Variants in ZSWIM3 observed in about 807,000 individuals in gnomAD.
ZSWIM3 encodes zinc finger SWIM domain-containing protein 3.
In ZSWIM3, 27 loss-of-function variants were observed where a neutral mutation model predicts 47.5. The observed-to-expected ratio is 0.57, with a 90% confidence interval of 0.42 to 0.78. The LOEUF is 0.78. Ranked by LOEUF, ZSWIM3 falls within the 30% of genes least tolerant of loss-of-function variation. ZSWIM3 has a pLI of 0.00. For synonymous variants in ZSWIM3, 333 were observed against 333.9 expected, an observed-to-expected ratio of 1.00 and a Z score of 0.03; for missense variants, 689 against 861.3, an observed-to-expected ratio of 0.80 and a Z score of 2.50.
chr20:45,873,270 G>A (rs6104378), intron 1 of ZSWIM3, among the ~76,000 whole-genome samples: 78,273 of 151,732 alleles, frequency 0.52, 20,697 homozygotes, highest in Admixed American at 0.6. Context: ...GCATGGTGGC[G>A]CATGCCTGTA....
In ZSWIM3 at chr20:45,870,062, AAG is replaced by A. The variant is rs1555827841; in HGVS notation, c.156-6650_156-6649del. Among the ~76,000 whole-genome samples the A allele has an allele frequency of 2.7e-5, 4 of 148,490 alleles. 1 individual carries two copies. The highest frequency in any genetic ancestry group is 1.5e-5 in the Non-Finnish European group (1 of 67,164). ...CCGTCTCAAGAAAAAAAAAAAAAAA[AAG>A]AAAAGGCCAAGCGTGGTGGCTGTAA... On this transcript the variant is annotated intron_variant, in intron 1 of 1. Transcript: ENST00000255152.
rs539855046 is a variant in ZSWIM3 at position 45,878,887 on chromosome 20, T to C, written c.*238T>C. The C allele has an allele frequency of 2.6e-5, 13 of 499,464 alleles. No homozygotes were observed. In the South Asian group the frequency reaches 3.8e-4, roughly 15 times the overall value. 30.9% of individuals were successfully genotyped at this position (499,464 alleles called of 1,614,324 possible). A position where few individuals can be genotyped will look rare whatever the true frequency, so the allele number is the denominator to read the frequency against. The stretch of plus-strand genomic sequence containing the variant: ...CCTCAGTTGTTGTTCAAGGCCAAAG[T>C]TATCTCCGTGCTGCAAGGTCACCCT... On this transcript the variant is annotated 3_prime_UTR_variant, in exon 2 of 2. Coordinates refer to ENST00000255152, the MANE Select transcript of ZSWIM3 (RefSeq NM_080752.4).
At chr20:45,864,345 G>A (rs527872159) in intron 1 of ZSWIM3, among the ~76,000 whole-genome samples, 2 of 152,262 alleles carry the variant, frequency 1.3e-5, no homozygotes, top group African/African-American at 4.8e-5. Flanking sequence ...TTGCAAACTG[G>A]CTCTGTGCAG....
Position 45,872,553 on chromosome 20 carries a change from G to A in ZSWIM3, c.156-4161G>A, listed in dbSNP as rs183032540. 1.4e-5 allele frequency: 6 copies of A among 433,236 alleles called. 1 individual carries two copies. The highest frequency in any genetic ancestry group is 8.0e-5 in the South Asian group (4 of 50,050). 26.8% of individuals were successfully genotyped at this position (433,236 alleles called of 1,614,324 possible). On this transcript the variant is annotated intron_variant, in intron 1 of 1. Coordinates refer to ENST00000255152, the MANE Select transcript of ZSWIM3 (RefSeq NM_080752.4). ...ATGGGTGCACGTAGTCCTGAAGGAT[G>A]AGCAAGGCTTGCGAGGAGGGAAGGT...
intron 1 of ZSWIM3, among the ~76,000 whole-genome samples, chr20:45,874,114 G>A (rs1986036202): frequency 6.6e-6 from 1 of 152,192 alleles, no homozygotes; most frequent in Admixed American, 6.5e-5. Context: ...AGATGCAGTG[G>A]CTCATGCCTG....
rs1568749825 is a variant in ZSWIM3, at chr20:45,877,474, TC to T, written c.918del (p.Ile307SerfsTer25). ...CTTTCCTGCTGCCCGCATCCTCCTT[TC>T]CATCTACCACACAACCCGACTCTTG... The part of the protein sequence containing the change: ...EIFPAARILL[S>X]IYHTTRLLEK... On this transcript the variant is annotated frameshift_variant, in exon 2 of 2. Transcript: ENST00000255152. LOFTEE classifies it high-confidence loss of function. 2.5e-6 allele frequency: 4 copies of T among 1,614,138 alleles called. No homozygotes were observed. The Admixed American group carries it at 5.0e-5, about 20-fold the overall frequency.
At chr20:45,862,118 A>T (rs1388240351) in intron 1 of ZSWIM3, among the ~76,000 whole-genome samples, 1 of 150,568 alleles carries the variant, frequency 6.6e-6, no homozygotes. Context: ...TAAAAGGGTC[A>T]CCTCCACTGC....
Position 45,878,562 on chromosome 20 carries a change from T to C in ZSWIM3, c.2004T>C (p.Phe668=). The change falls in exon 2 of 2, where the codon TTT becomes TTC. Residue 668 remains phenylalanine (F), a synonymous_variant. Transcript: ENST00000255152. ...PSELFQQPGD[F]KDVGRLPFLW... is the part of the protein sequence containing the mutation. ...AGCTCTTTCAGCAGCCAGGAGACTT[T>C]AAGGACGTGGGCCGCCTCCCTTTCC... is the stretch of plus-strand genomic sequence containing the variant. The C allele has an allele frequency of 6.2e-7, 1 of 1,614,136 alleles. No homozygotes were observed. Among genetic ancestry groups the C allele is most frequent in the South Asian group, 1.1e-5 (1 of 91,084 alleles).
Position 45,867,001 on chromosome 20 carries a change from A to ACT in ZSWIM3, c.155+9021_155+9022insCT, listed in dbSNP as rs143983594. 6.1e-5 allele frequency among the ~76,000 whole-genome samples: 8 copies of ACT among 131,252 alleles called. No individual in the cohort carries two copies. In the East Asian group the frequency reaches 1.8e-3, roughly 29 times the overall value. The allele number at this position is 131,252 out of a possible 152,430, so 86.1% of individuals were successfully genotyped here. On this transcript the variant is annotated intron_variant, in intron 1 of 1. Coordinates refer to ENST00000255152, the MANE Select transcript of ZSWIM3 (RefSeq NM_080752.4). ...AAAAATAAAATCAGATCAAGTTAGA[A>ACT]ATTTTTTTTTTTTTTTTTTTTTGAG... is the stretch of plus-strand genomic sequence containing the variant.
At chr20:45,869,051 C>T (rs995077645) in intron 1 of ZSWIM3, among the ~76,000 whole-genome samples, 15 of 152,196 alleles carry the variant, frequency 9.9e-5, no homozygotes, top group South Asian at 4.1e-4. Flanking sequence ...ATCCACCCGC[C>T]TCGGCCTCCC....
At chr20:45,874,376 G>A (rs528103167) in intron 1 of ZSWIM3, among the ~76,000 whole-genome samples, 13 of 152,192 alleles carry the variant, frequency 8.5e-5, no homozygotes, top group African/African-American at 3.1e-4. Flanking sequence ...GTCAGGTGCA[G>A]TGCTGCATGC....
At chr20:45,862,019 ACT>A (rs1431290141) in intron 1 of ZSWIM3, among the ~76,000 whole-genome samples, 1 of 151,606 alleles carries the variant, frequency 6.6e-6, no homozygotes, top group Non-Finnish European at 1.5e-5. Flanking sequence ...ACACAGCGAG[ACT>A]CTGTCTCAAA....
In ZSWIM3 at chr20:45,877,632, G is replaced by T. The variant is rs1162167884; in HGVS notation, c.1074G>T (p.Leu358=). 6.2e-7 allele frequency: 1 copy of T among 1,614,168 alleles called. No homozygotes were observed. Residue 358 remains leucine, a synonymous_variant, in exon 2 of 2, where the codon CTG becomes CTT. Coordinates refer to ENST00000255152, the MANE Select transcript of ZSWIM3 (RefSeq NM_080752.4). ...TCTGCCAGATGTCCCAGGCCGTACT[G>T]GATGAGGATCTCTTCAACTTCCTGC... ...KNLCQMSQAV[L]DEDLFNFLQA...
At position 45,857,985 on chromosome 20, in the gene ZSWIM3, G is replaced by A; in HGVS notation, c.155+5G>A. The A allele has an allele frequency of 6.4e-7, 1 of 1,564,722 alleles. No individual in the cohort carries two copies. Among genetic ancestry groups the A allele is most frequent in the Non-Finnish European group, 8.7e-7 (1 of 1,154,748 alleles). ...CTCCATCCGCGAAGACATCCTGTAAGGGCGGGCGGGGCGGGGCGGGCCAAG... is the reference window on the plus strand; with the variant it reads ...CTCCATCCGCGAAGACATCCTGTAAAGGCGGGCGGGGCGGGGCGGGCCAAG... On this transcript the variant is annotated splice_donor_5th_base_variant and intron_variant, in intron 1 of 1. Transcript: ENST00000255152.
At chr20:45,873,791 A>G (rs1477575469) in intron 1 of ZSWIM3, among the ~76,000 whole-genome samples, 1 of 152,242 alleles carries the variant, frequency 6.6e-6, no homozygotes, top group Non-Finnish European at 1.5e-5. Context: ...GTCATTAGAT[A>G]TAGTGCTACC....
Position 45,871,513 on chromosome 20 carries a change from C to G in ZSWIM3, c.156-5201C>G, listed in dbSNP as rs186093779. On this transcript the variant is annotated intron_variant, in intron 1 of 1. Transcript: ENST00000255152. ...TTCTTAGAAGACGTGGCTCCTAGTC[C>G]TAGCACTATTACTCTTACTGACTAT... Among the ~76,000 whole-genome samples the G allele has an allele frequency of 5.4e-3, 821 of 152,186 alleles. 7 individuals are homozygous for G. The highest frequency in any genetic ancestry group is 0.019 in the African/African-American group (796 of 41,532).
At chr20:45,876,336 C>T (rs546849101) in intron 1 of ZSWIM3, among the ~76,000 whole-genome samples, 13 of 147,514 alleles carry the variant, frequency 8.8e-5, no homozygotes, top group Admixed American at 6.1e-4. Flanking sequence ...TGAGCCACCG[C>T]GCCCAGCTGT....
Position 45,878,111 on chromosome 20 carries a change from A to G in ZSWIM3, c.1553A>G (p.Gln518Arg), listed in dbSNP as rs1227718624. The G allele has an allele frequency of 6.2e-7, 1 of 1,614,100 alleles. No individual in the cohort carries two copies. Among genetic ancestry groups the G allele is most frequent in the African/African-American group, 1.3e-5 (1 of 74,938 alleles). ...TGCCACAATGAGTGGGAGGTGGTAC[A>G]GAACTCCACCCACCTGGTGGACATG... ...KLCHNEWEVV[Q>R]NSTHLVDMAG... Residue 518 changes from glutamine (Q) to arginine (R), a missense_variant, in exon 2 of 2, where the codon CAG becomes CGG. By Grantham distance (43) the Gln-to-Arg change is conservative. Coordinates refer to ENST00000255152, the MANE Select transcript of ZSWIM3 (RefSeq NM_080752.4).
chr20:45,862,784 G>A (rs561025290), intron 1 of ZSWIM3, among the ~76,000 whole-genome samples: 3 of 152,184 alleles, frequency 2.0e-5, no homozygotes, highest in East Asian at 3.9e-4. Context: ...GAGGTGCCAC[G>A]CCCAGCCTAT....
Sources: gnomAD v4.1 joint callset for allele counts (sites outside exome capture counted in the v4.1 genomes callset) on GRCh38, gnomAD v4.1.1 for gene constraint, MANE v1.5 for transcripts, NCBI Gene and HGNC (gene_info 2026-07-23, HGNC 2026-07-21) for gene names.